The following NEGR1 variants were observed in gnomAD, a reference collection of about 807,000 sequenced individuals.
The protein encoded by NEGR1 is IgLON family member 4.
Under a neutral mutation model 40.9 loss-of-function variants are expected in NEGR1, and 10 were observed. That is an observed-to-expected ratio of 0.24 (90% CI 0.15 to 0.42). The LOEUF is 0.42. Ranked by LOEUF, NEGR1 falls within the 10% of genes least tolerant of loss-of-function variation. The probability of loss-of-function intolerance (pLI) is 1.00; values close to 1 mark genes in which losing one functional copy is unlikely to be tolerated. For synonymous variants in NEGR1, 185 were observed against 166.8 expected, an observed-to-expected ratio of 1.11 and a Z score of -0.84; for missense variants, 352 against 438.9, an observed-to-expected ratio of 0.80 and a Z score of 1.77.
At chr1:71,705,398 G>A (rs1653853907) in intron 3 of NEGR1, among the ~76,000 whole-genome samples, 1 of 152,122 alleles carries the variant, frequency 6.6e-6, no homozygotes. Context: ...CTAATAAGTG[G>A]ATTTCATCAA....
intron 6 of NEGR1, among the ~76,000 whole-genome samples, chr1:71,523,548 AGTTT>A (rs1163916977): frequency 6.6e-6 from 1 of 151,856 alleles, no homozygotes; most frequent in Non-Finnish European, 1.5e-5. Context: ...ATATCTACCT[AGTTT>A]ATTTAAGGTA....
chr1:71,925,160 A>C (rs1210038141), intron 2 of NEGR1, among the ~76,000 whole-genome samples: 1 of 152,210 alleles, frequency 6.6e-6, no homozygotes, highest in Non-Finnish European at 1.5e-5. Context: ...CCACAAATAG[A>C]TTTACGGTGT....
intron 1 of NEGR1, among the ~76,000 whole-genome samples, chr1:72,017,646 T>C (rs1646723273): frequency 6.6e-6 from 1 of 152,106 alleles, no homozygotes; most frequent in African/African-American, 2.4e-5. Context: ...GTAGTTGGTC[T>C]TTCTTGTAAA....
At chr1:72,204,869 A>G (rs1022955791) in intron 1 of NEGR1, among the ~76,000 whole-genome samples, 1 of 152,156 alleles carries the variant, frequency 6.6e-6, no homozygotes, top group Non-Finnish European at 1.5e-5. Flanking sequence ...CAACACTGAA[A>G]TTATTTCCAG....
At chr1:72,123,271 T>A (rs1649873182) in intron 1 of NEGR1, among the ~76,000 whole-genome samples, 1 of 151,896 alleles carries the variant, frequency 6.6e-6, no homozygotes. Context: ...ATCATTTCCA[T>A]ATCAGTTTAA....
intron 1 of NEGR1, among the ~76,000 whole-genome samples, chr1:72,211,490 ACCAAAT>A (rs1383471278): frequency 1.3e-5 from 2 of 151,660 alleles, no homozygotes; most frequent in East Asian, 3.9e-4. Context: ...TCCGTATCTA[ACCAAAT>A]ATATAGTCAC....
At chr1:71,941,549 T>G (rs1178034082) in intron 1 of NEGR1, among the ~76,000 whole-genome samples, 2 of 152,116 alleles carry the variant, frequency 1.3e-5, no homozygotes, top group Non-Finnish European at 2.9e-5. Context: ...TTTTTGCAGG[T>G]GTGGCAGAGG....
At chr1:71,613,604 T>C (rs772749263) in intron 4 of NEGR1, among the ~76,000 whole-genome samples, 1 of 151,386 alleles carries the variant, frequency 6.6e-6, no homozygotes, top group Non-Finnish European at 1.5e-5. Flanking sequence ...TTGCAGTGAA[T>C]TGAGACTGCC....
intron 1 of NEGR1, among the ~76,000 whole-genome samples, chr1:72,091,955 T>C (rs550341559): frequency 2.0e-5 from 3 of 152,288 alleles, no homozygotes; most frequent in South Asian, 2.1e-4. Context: ...ATCAGGGCCC[T>C]ATTCTTTTGA....
intron 2 of NEGR1, among the ~76,000 whole-genome samples, chr1:71,800,569 C>G (rs1657518720): frequency 6.6e-6 from 1 of 152,158 alleles, no homozygotes; most frequent in Non-Finnish European, 1.5e-5. Flanking sequence ...TTTTCCTTAT[C>G]CCTGTAACAT....
rs1200271353 is a variant in NEGR1 at position 72,229,659 on chromosome 1, C to T, written c.176+52660G>A. On this transcript the variant is annotated intron_variant, in intron 1 of 6. Transcript: ENST00000357731. ...TCAATATATCTTTCTATTCTGTTTT[C>T]TTTTTTTGGTAAGTTGATTTATAAA... Among the ~76,000 whole-genome samples, 3 of 151,222 alleles carry T rather than the reference C, an allele frequency of 2.0e-5. No homozygotes were observed. In the South Asian group the frequency reaches 6.2e-4, roughly 31 times the overall value.
In NEGR1 at chr1:71,396,331, A is replaced by C. The variant is rs897831236; in HGVS notation, c.*11115T>G. The C allele has an allele frequency of 6.6e-6, 1 of 152,216 alleles. No homozygotes were observed. The highest frequency in any genetic ancestry group is 6.5e-5 in the Admixed American group (1 of 15,278). 9.4% of individuals were successfully genotyped at this position (152,216 alleles called of 1,614,324 possible). A position where few individuals can be genotyped will look rare whatever the true frequency, so the allele number is the denominator to read the frequency against. ...TAATTCTTTTTAGACAGCTCTTCAG[A>C]GGTCACCTAAATCATATTTTATTGT... On this transcript the variant is annotated 3_prime_UTR_variant, in exon 7 of 7. Coordinates refer to ENST00000357731, the MANE Select transcript of NEGR1 (RefSeq NM_173808.3).
intron 1 of NEGR1, among the ~76,000 whole-genome samples, chr1:72,206,775 T>TA (rs1021856612): frequency 3.3e-5 from 5 of 152,062 alleles, no homozygotes; most frequent in African/African-American, 1.2e-4. Flanking sequence ...AGGTGAACTC[T>TA]AAAATAGCTA....
chr1:71,529,170 C>T (rs12086452), intron 6 of NEGR1, among the ~76,000 whole-genome samples: 59 of 151,090 alleles, frequency 3.9e-4, no homozygotes, highest in African/African-American at 1.3e-3. Context: ...GGGGTATTTG[C>T]GGTGCATTAA....
At chr1:72,019,454 A>G (rs932093659) in intron 1 of NEGR1, among the ~76,000 whole-genome samples, 15 of 152,288 alleles carry the variant, frequency 9.8e-5, no homozygotes, top group African/African-American at 3.4e-4. Context: ...CAGCTGTACC[A>G]TATGCCTGGT....
At chr1:72,232,962 A>G (rs1024109991) in intron 1 of NEGR1, among the ~76,000 whole-genome samples, 1 of 152,170 alleles carries the variant, frequency 6.6e-6, no homozygotes, top group Non-Finnish European at 1.5e-5. Context: ...AAAATAGCCA[A>G]CTGGCTAGAG....
At position 71,951,837 on chromosome 1, in the gene NEGR1, C is replaced by A. The variant is rs760595229; in HGVS notation, c.177-16526G>T. On this transcript the variant is annotated intron_variant, in intron 1 of 6. Transcript: ENST00000357731. Reference sequence around the variant, plus strand: ...GTCTCTGTGCCATATTTTGGTAAATCTTGCAATATTTCAAATTTTTCATTA... The same window carrying A: ...GTCTCTGTGCCATATTTTGGTAAATATTGCAATATTTCAAATTTTTCATTA... Among the ~76,000 whole-genome samples the A allele has an allele frequency of 5.1e-4, 78 of 151,842 alleles. 1 individual carries two copies. The highest frequency in any genetic ancestry group is 1.0e-3 in the Non-Finnish European group (71 of 67,870).
intron 4 of NEGR1, among the ~76,000 whole-genome samples, chr1:71,644,065 G>A (rs1651446332): frequency 6.6e-6 from 1 of 151,836 alleles, no homozygotes; most frequent in East Asian, 1.9e-4. Context: ...ACAGGTCCTT[G>A]CTGCCCAAAA....
At chr1:71,650,813 A>C (rs1271448463) in intron 4 of NEGR1, among the ~76,000 whole-genome samples, 1 of 152,194 alleles carries the variant, frequency 6.6e-6, no homozygotes, top group East Asian at 1.9e-4. Context: ...ATTATCTGCT[A>C]TATGGAGATC....
Sources: gnomAD v4.1 joint callset for allele counts (sites outside exome capture counted in the v4.1 genomes callset) on GRCh38, gnomAD v4.1.1 for gene constraint, MANE v1.5 for transcripts, NCBI Gene and HGNC (gene_info 2026-07-23, HGNC 2026-07-21) for gene names.